The following GPR155 variants were observed in gnomAD, a reference collection of about 807,000 sequenced individuals.
The protein encoded by GPR155 is G protein-coupled receptor 155.
In GPR155, 65 loss-of-function variants were observed where a neutral mutation model predicts 93.1. That is an observed-to-expected ratio of 0.70 (90% CI 0.57 to 0.86). GPR155 has a LOEUF of 0.86. GPR155 is among the 40% of genes least tolerant of loss of function. The probability of loss-of-function intolerance (pLI) is 0.00; values close to 1 mark genes in which losing one functional copy is unlikely to be tolerated. For synonymous variants in GPR155, 319 were observed against 360.1 expected, an observed-to-expected ratio of 0.89 and a Z score of 1.29; for missense variants, 838 against 1,034.8, an observed-to-expected ratio of 0.81 and a Z score of 2.61.
intron 15 of GPR155, among the ~76,000 whole-genome samples, chr2:174,437,418 A>G (rs1436986333): frequency 6.6e-6 from 1 of 152,258 alleles, no homozygotes; most frequent in African/African-American, 2.4e-5. Context: ...TCTCAAATAC[A>G]TAAAACTACA....
intron 2 of GPR155, among the ~76,000 whole-genome samples, chr2:174,476,617 C>G (rs1387435290): frequency 6.6e-6 from 1 of 150,658 alleles, no homozygotes; most frequent in Non-Finnish European, 1.5e-5. Context: ...AAACAAAAAA[C>G]AAAACAAAAA....
chr2:174,485,889 C>T (rs1025624312), intron 1 of GPR155, among the ~76,000 whole-genome samples: 1 of 152,070 alleles, frequency 6.6e-6, no homozygotes, highest in Non-Finnish European at 1.5e-5. Flanking sequence ...AGTAAAAGAC[C>T]ACTCGCTGAG....
intron 2 of GPR155, among the ~76,000 whole-genome samples, chr2:174,476,495 T>C (rs148584621): frequency 0.013 from 1,981 of 152,144 alleles, 53 homozygotes; most frequent in African/African-American, 0.045. Context: ...TCCCAGCTAC[T>C]TGGGAGGCTG....
chr2:174,460,230 G>A (rs1163160018), intron 9 of GPR155, 142 bp from the exon 10 acceptor site: 22 of 560,952 alleles, frequency 3.9e-5, no homozygotes, highest in Non-Finnish European at 5.7e-5. Context: ...ACACAATCTC[G>A]GCTCACTGCA....
chr2:174,440,055 C>A lies in GPR155; in HGVS notation c.2175-20G>T. On this transcript the variant is annotated intron_variant, in intron 14 of 15. Transcript: ENST00000392552. ...TCAAGTCTGAAAATCAAATTTATGGCCATTTTTAAGGACAGAAAAGCACTG... is the reference window on the plus strand; with the variant it reads ...TCAAGTCTGAAAATCAAATTTATGGACATTTTTAAGGACAGAAAAGCACTG... 6.2e-7 allele frequency: 1 copy of A among 1,600,732 alleles called. No homozygotes were observed. Among genetic ancestry groups the A allele is most frequent in the East Asian group, 2.3e-5 (1 of 44,366 alleles).
rs769182836 is a variant in GPR155 at position 174,473,102 on chromosome 2, G to A, written c.723C>T (p.Val241=). 1.1e-5 allele frequency: 17 copies of A among 1,604,046 alleles called. No homozygotes were observed. Among genetic ancestry groups the A allele is most frequent in the South Asian group, 7.9e-5 (7 of 88,292 alleles). Reference sequence around the variant, plus strand: ...TTCCAAGTCCATCAAGAAAATTTTCGACATATACAGGTACCTTTCGATCAA... The same window carrying A: ...TTCCAAGTCCATCAAGAAAATTTTCAACATATACAGGTACCTTTCGATCAA... ...FILDRKVPVY[V]ENFLDGLGNS... The change falls in exon 3 of 16, where the codon GTC becomes GTT. Residue 241 remains valine (V), a synonymous_variant. Transcript: ENST00000392552.
chr2:174,462,519 T>G (rs1284855129), intron 7 of GPR155, among the ~76,000 whole-genome samples: 1 of 152,098 alleles, frequency 6.6e-6, no homozygotes, highest in African/African-American at 2.4e-5. Context: ...ATGTTGCCCA[T>G]GCTGGTCTTG....
chr2:174,452,319 C>T (rs921743388), intron 11 of GPR155, among the ~76,000 whole-genome samples: 4 of 152,054 alleles, frequency 2.6e-5, no homozygotes, highest in African/African-American at 7.2e-5. Context: ...AATATAAATC[C>T]CATCTGAATA....
chr2:174,473,887 G>A (rs1160056230), intron 2 of GPR155, among the ~76,000 whole-genome samples: 1 of 152,162 alleles, frequency 6.6e-6, no homozygotes, highest in Non-Finnish European at 1.5e-5. Context: ...GAAGATGGGA[G>A]ATGTTTGGAG....
At chr2:174,456,120 G>A (rs1687509751) in intron 10 of GPR155, among the ~76,000 whole-genome samples, 1 of 152,116 alleles carries the variant, frequency 6.6e-6, no homozygotes, top group Non-Finnish European at 1.5e-5. Context: ...GGGATTACAG[G>A]TGTGAGCCAC....
chr2:174,442,177 TA>T lies in GPR155; in HGVS notation c.2115del (p.Phe705LeufsTer9). On this transcript the variant is annotated frameshift_variant, in exon 14 of 16. Coordinates refer to ENST00000392552, the MANE Select transcript of GPR155 (RefSeq NM_152529.7). LOFTEE classifies it high-confidence loss of function. The stretch of plus-strand genomic sequence containing the variant: ...TCTAATCCAAAGATTCCAAAGGAAA[TA>T]AATCCCTAGGGAAGAAAACAAAGTT... ...FCAVFNFGQG[F>X]ISFGIFGLDK... 7.4e-7 allele frequency: 1 copy of T among 1,351,610 alleles called. No individual in the cohort carries two copies. The highest frequency in any genetic ancestry group is 1.1e-6 in the Non-Finnish European group (1 of 942,662). 83.7% of individuals were successfully genotyped at this position (1,351,610 alleles called of 1,614,324 possible).
At chr2:174,450,246 C>A (rs1687279178) in intron 11 of GPR155, among the ~76,000 whole-genome samples, 1 of 152,020 alleles carries the variant, frequency 6.6e-6, no homozygotes, top group African/African-American at 2.4e-5. Context: ...GCTGCATGTG[C>A]TCACTTATAA....
chr2:174,482,154 G>A (rs1462056924), intron 1 of GPR155, among the ~76,000 whole-genome samples, 167 bp from the exon 2 acceptor site: 1 of 152,012 alleles, frequency 6.6e-6, no homozygotes, highest in African/African-American at 2.4e-5. Flanking sequence ...ATACCATCAG[G>A]GAAAATACAA....
At chr2:174,486,227 G>A (rs530418320) in intron 1 of GPR155, among the ~76,000 whole-genome samples, 3 of 152,286 alleles carry the variant, frequency 2.0e-5, no homozygotes, top group East Asian at 3.9e-4. Context: ...AGGGTAGGGA[G>A]CGCTGAGCAC....
At chr2:174,455,561 A>C (rs1687492176) in intron 10 of GPR155, among the ~76,000 whole-genome samples, 1 of 152,154 alleles carries the variant, frequency 6.6e-6, no homozygotes, top group Admixed American at 6.6e-5. Flanking sequence ...AAGAAACAGG[A>C]AGTTCAGTTA....
Position 174,472,947 on chromosome 2 carries a change from T to G in GPR155, c.860+18A>C, listed in dbSNP as rs1211708170. ...CTTTCAAAAAGTACAATTCTCAAGT[T>G]AAATAAGTGATGCTTACAGTTTAGC... On this transcript the variant is annotated intron_variant, in intron 3 of 15. Coordinates refer to ENST00000392552, the MANE Select transcript of GPR155 (RefSeq NM_152529.7). 9 of 1,568,574 alleles carry G rather than the reference T, an allele frequency of 5.7e-6. No homozygotes were observed. In the African/African-American group the frequency reaches 1.3e-4, roughly 22 times the overall value.
In GPR155 at chr2:174,473,131, T is replaced by C. The variant is rs1350371337; in HGVS notation, c.694A>G (p.Ile232Val). The C allele has an allele frequency of 8.1e-6, 13 of 1,611,094 alleles. No homozygotes were observed. The highest frequency in any genetic ancestry group is 6.7e-5 in the South Asian group (6 of 90,032). ...MVFIGIAFNF[I>V]LDRKVPVYVE... ...TATACAGGTACCTTTCGATCAAGAATAAAATTGAAGGCGATGCCAATGAAG... is the reference window on the plus strand; with the variant it reads ...TATACAGGTACCTTTCGATCAAGAACAAAATTGAAGGCGATGCCAATGAAG... The change falls in exon 3 of 16, where the codon ATT becomes GTT. Residue 232 changes from isoleucine (I) to valine (V), a missense_variant. Ile to Val is a conservative substitution (Grantham distance 29). Transcript: ENST00000392552.
intron 9 of GPR155, among the ~76,000 whole-genome samples, chr2:174,461,045 G>C (rs1006608872): frequency 7.3e-5 from 11 of 150,728 alleles, no homozygotes; most frequent in Admixed American, 2.0e-4. Flanking sequence ...GTTTTGTCCT[G>C]AAATTTATAT....
intron 11 of GPR155, among the ~76,000 whole-genome samples, chr2:174,450,810 T>A (rs975506120): frequency 1.3e-5 from 2 of 152,182 alleles, no homozygotes; most frequent in Non-Finnish European, 2.9e-5. Context: ...TAAAACCACA[T>A]TTTAGAAAAG....
Sources: allele counts gnomAD v4.1 joint callset (sites outside exome capture counted in the v4.1 genomes callset), GRCh38; gene constraint gnomAD v4.1.1; transcripts MANE v1.5; gene names NCBI Gene and HGNC (gene_info 2026-07-23, HGNC 2026-07-21).